PHF20L1: variants seen among roughly 807,000 people sequenced by gnomAD.
The protein encoded by PHF20L1 is PHD finger protein 20-like protein 1.
A neutral mutation model predicts 125.5 loss-of-function variants in PHF20L1; 44 were observed. That is an observed-to-expected ratio of 0.35 (90% CI 0.28 to 0.45). PHF20L1 has a LOEUF of 0.45. Ranked by LOEUF, PHF20L1 falls within the 20% of genes least tolerant of loss-of-function variation. The pLI is 1.00. For synonymous variants in PHF20L1, 380 were observed against 403.1 expected, an observed-to-expected ratio of 0.94 and a Z score of 0.69; for missense variants, 1,012 against 1,217.2, an observed-to-expected ratio of 0.83 and a Z score of 2.51.
Position 132,811,126 on chromosome 8 carries a change from C to T in PHF20L1, c.928C>T (p.Gln310Ter). Reference protein sequence around the residue: ...DYNETAPMLEQAISPKPQSQK... With the variant: ...DYNETAPMLE ...CAATGAAACAGCTCCAATGCTGGAG[C>T]AGGTATGAAATGGTAGCATTTGATT... Residue 310 changes from glutamine to a stop codon, truncating the protein, a stop_gained and splice_region_variant, in exon 9 of 21, where the codon CAG becomes TAG. Coordinates refer to ENST00000395386, the MANE Select transcript of PHF20L1 (RefSeq NM_016018.5). LOFTEE classifies it high-confidence loss of function. 6.2e-7 allele frequency: 1 copy of T among 1,611,486 alleles called. No individual in the cohort carries two copies. The highest frequency in any genetic ancestry group is 8.5e-7 in the Non-Finnish European group (1 of 1,177,916).
At chr8:132,813,871 T>G (rs925417317) in intron 9 of PHF20L1, among the ~76,000 whole-genome samples, 2 of 151,818 alleles carry the variant, frequency 1.3e-5, no homozygotes, top group African/African-American at 4.8e-5. Flanking sequence ...AAGTTCTAAT[T>G]TTTTTTTAAA....
At chr8:132,817,169 G>C in intron 11 of PHF20L1, 93 bp downstream of exon 11, 1 of 935,018 alleles carries the variant, frequency 1.1e-6, no homozygotes, top group Non-Finnish European at 1.6e-6. Context: ...AGATATTTCT[G>C]CTCTTATATC....
At chr8:132,812,177 T>A in intron 9 of PHF20L1, 1 of 981,256 alleles carries the variant, frequency 1.0e-6, no homozygotes, top group Non-Finnish European at 1.2e-6. Context: ...CAACCAAATT[T>A]TAAATAACTT....
At chr8:132,793,208 A>G (rs1831972487) in intron 2 of PHF20L1, among the ~76,000 whole-genome samples, 1 of 152,128 alleles carries the variant, frequency 6.6e-6, no homozygotes, top group South Asian at 2.1e-4. Context: ...TCGGACGGAA[A>G]GAATAGAATG....
rs16904751 is a variant in PHF20L1 at position 132,840,559 on chromosome 8, A to G, written c.2387+977A>G. ...GTTGCCCAATGGACTGAGTCCTTCC[A>G]TGACACATACTCTGTCTACCATTTT... On this transcript the variant is annotated intron_variant, in intron 18 of 20. Coordinates refer to ENST00000395386, the MANE Select transcript of PHF20L1 (RefSeq NM_016018.5). Among the ~76,000 whole-genome samples the G allele has an allele frequency of 8.9e-3, 1,355 of 152,172 alleles. 40 individuals carry two copies. Among genetic ancestry groups the G allele is most frequent in the East Asian group, 0.087 (452 of 5,176 alleles).
In PHF20L1 at chr8:132,800,326, A is replaced by G. The variant is rs564027040; in HGVS notation, c.507+1154A>G. On this transcript the variant is annotated intron_variant, in intron 6 of 20. Transcript: ENST00000395386. ...ACTGAAATAATATTTGGGTAGTAGT[A>G]TATTTCTTTTAATTTTTCATTTTTT... Among the ~76,000 whole-genome samples, 61 of 151,836 alleles carry G rather than the reference A, an allele frequency of 4.0e-4. 1 individual carries two copies. The highest frequency in any genetic ancestry group is 1.4e-3 in the African/African-American group (60 of 41,492).
intron 4 of PHF20L1, among the ~76,000 whole-genome samples, chr8:132,797,317 T>C (rs2131488348): frequency 6.6e-6 from 1 of 152,130 alleles, no homozygotes; most frequent in East Asian, 1.9e-4. Flanking sequence ...CATTTAGGCA[T>C]TTGTAATACA....
chr8:132,835,732 T>C (rs895226337), intron 15 of PHF20L1, among the ~76,000 whole-genome samples: 1 of 152,140 alleles, frequency 6.6e-6, no homozygotes, highest in African/African-American at 2.4e-5. Flanking sequence ...ACTGGTAAAG[T>C]CATTAAGAAC....
chr8:132,794,652 T>G, intron 3 of PHF20L1, 71 bp downstream of exon 3: 2 of 1,498,566 alleles, frequency 1.3e-6, no homozygotes, highest in Non-Finnish European at 1.8e-6. Context: ...AGGATTCTGT[T>G]AAATTATACA....
intron 17 of PHF20L1, chr8:132,838,112 C>G (rs571710120): frequency 4.9e-6 from 1 of 205,282 alleles, no homozygotes; most frequent in Non-Finnish European, 1.0e-5. Flanking sequence ...ACTCAACTTC[C>G]GTATTAAAAT....
At chr8:132,843,435 T>G in intron 19 of PHF20L1, 1 of 980,872 alleles carries the variant, frequency 1.0e-6, no homozygotes, top group Non-Finnish European at 1.2e-6. Context: ...TGAGGCCACT[T>G]TAAAATTAGA....
rs1304066471 is a variant in PHF20L1 at position 132,844,187 on chromosome 8, A to T, written c.2780A>T (p.Tyr927Phe). The T allele has an allele frequency of 6.2e-7, 1 of 1,612,814 alleles. No homozygotes were observed. Among genetic ancestry groups the T allele is most frequent in the Non-Finnish European group, 8.5e-7 (1 of 1,179,198 alleles). Reference protein sequence around the residue: ...NPAEGNTVFVYNDKKGTEDPG... With the variant: ...NPAEGNTVFVFNDKKGTEDPG... ...GCTGAAGGGAATACAGTATTTGTTTATAATGATAAAAAGGGCACCGAAGAC... is the reference window on the plus strand; with the variant it reads ...GCTGAAGGGAATACAGTATTTGTTTTTAATGATAAAAAGGGCACCGAAGAC... The change falls in exon 20 of 21, where the codon TAT becomes TTT. Residue 927 changes from tyrosine (Y) to phenylalanine (F), a missense_variant. Around this residue, in one of 7 missense-constraint regions of PHF20L1, gnomAD observed 277 missense variants for 283.6 expected, o/e 0.98. Coordinates refer to ENST00000395386, the MANE Select transcript of PHF20L1 (RefSeq NM_016018.5).
intron 9 of PHF20L1, among the ~76,000 whole-genome samples, chr8:132,813,405 A>C (rs1223723330): frequency 6.6e-6 from 1 of 151,958 alleles, no homozygotes; most frequent in Non-Finnish European, 1.5e-5. Flanking sequence ...AGAGCATTGA[A>C]GGTGCCCTAC....
intron 2 of PHF20L1, among the ~76,000 whole-genome samples, chr8:132,792,495 C>A (rs986639932): frequency 4.6e-5 from 7 of 152,112 alleles, no homozygotes; most frequent in Non-Finnish European, 1.0e-4. Flanking sequence ...TATACTTACT[C>A]CCCCCAAAAG....
At chr8:132,775,906 C>G (rs1017999352) in intron 1 of PHF20L1, among the ~76,000 whole-genome samples, 3 of 152,146 alleles carry the variant, frequency 2.0e-5, no homozygotes, top group Non-Finnish European at 2.9e-5. Flanking sequence ...CTGTCTCGTG[C>G]CACCCCCTCT....
intron 6 of PHF20L1, among the ~76,000 whole-genome samples, chr8:132,800,344 C>G (rs531241481): frequency 4.0e-5 from 6 of 151,644 alleles, no homozygotes; most frequent in Non-Finnish European, 8.9e-5. Flanking sequence ...TTTAATTTTT[C>G]ATTTTTTTCT....
intron 2 of PHF20L1, among the ~76,000 whole-genome samples, chr8:132,781,538 C>G (rs938021853): frequency 6.6e-6 from 1 of 152,120 alleles, no homozygotes; most frequent in Non-Finnish European, 1.5e-5. Flanking sequence ...AAGTGATTCC[C>G]CTGCCTCAGC....
chr8:132,790,389 C>T (rs779670411), intron 2 of PHF20L1, among the ~76,000 whole-genome samples: 12 of 152,238 alleles, frequency 7.9e-5, no homozygotes, highest in Middle Eastern at 3.4e-3. Context: ...GCAAAGATCT[C>T]GATATTACGA....
At chr8:132,781,503 G>A (rs917123421) in intron 2 of PHF20L1, among the ~76,000 whole-genome samples, 4 of 151,984 alleles carry the variant, frequency 2.6e-5, no homozygotes, top group East Asian at 1.9e-4. Context: ...ACCTCCGCTC[G>A]CTGCAACCTC....
Sources: allele counts gnomAD v4.1 joint callset (sites outside exome capture counted in the v4.1 genomes callset), GRCh38; gene constraint gnomAD v4.1.1; regional missense constraint gnomAD v4.1.1; transcripts MANE v1.5; gene names NCBI Gene and HGNC (gene_info 2026-07-23, HGNC 2026-07-21).